PDGFRA: variants seen among roughly 807,000 people sequenced by gnomAD.
The protein encoded by PDGFRA is platelet derived growth factor receptor alpha, also known as platelet-derived growth factor receptor alpha.
Under a neutral mutation model 121.5 loss-of-function variants are expected in PDGFRA, and 25 were observed. The ratio of observed to expected loss-of-function variants is 0.21; its 90% CI spans 0.15 to 0.29. The LOEUF is 0.29. Among genes scored for constraint, PDGFRA ranks in the 10% least tolerant of loss-of-function variants. The pLI is 1.00. For missense variants in PDGFRA, 1,008 were observed against 1,345.1 expected (o/e 0.75, Z 3.92); for synonymous variants, 463 against 494.8 (o/e 0.94, Z 0.85).
chr4:54,258,924 G>A lies in PDGFRA; in HGVS notation c.49+107G>A, dbSNP rs938689042. ...TACTCTGCATACACAGTCCAAAAGA[G>A]TGAAAAGAAATAGAAAACTATAGGA... On this transcript the variant is annotated intron_variant, in intron 2 of 22. Coordinates refer to ENST00000257290, the MANE Select transcript of PDGFRA (RefSeq NM_006206.6). 1.2e-5 allele frequency: 11 copies of A among 913,804 alleles called. No individual in the cohort carries two copies. In the Admixed American group the frequency reaches 2.1e-4, roughly 17 times the overall value. 56.6% of individuals were successfully genotyped at this position (913,804 alleles called of 1,614,324 possible). A position where few individuals can be genotyped will look rare whatever the true frequency, so the allele number is the denominator to read the frequency against.
chr4:54,272,557 A>G, intron 9 of PDGFRA, 37 bp downstream of exon 9: 1 of 1,606,122 alleles, frequency 6.2e-7, no homozygotes, highest in Non-Finnish European at 8.5e-7. Flanking sequence ...TTTCGTGGTC[A>G]GAATATTTCT....
In PDGFRA at chr4:54,295,453, T is replaced by G. The variant is rs1409153277; in HGVS notation, c.*181T>G. On this transcript the variant is annotated 3_prime_UTR_variant, in exon 23 of 23. Transcript: ENST00000257290. ...ATGAATGGGATATTTTGAAATGAAC[T>G]TTGTCAGTGTTGCCTCTTGCAATGC... The G allele has an allele frequency of 1.6e-6, 1 of 612,758 alleles. No individual in the cohort carries two copies. Among genetic ancestry groups the G allele is most frequent in the Non-Finnish European group, 2.9e-6 (1 of 345,614 alleles). The allele number at this position is 612,758 out of a possible 1,614,324, so 38.0% of individuals were successfully genotyped here.
At chr4:54,289,653 G>C (rs1724528955) in intron 21 of PDGFRA, among the ~76,000 whole-genome samples, 1 of 152,194 alleles carries the variant, frequency 6.6e-6, no homozygotes, top group Non-Finnish European at 1.5e-5. Flanking sequence ...CTTAGATTGA[G>C]ATTAGTCCCT....
At chr4:54,238,648 C>T (rs1237750696) in intron 1 of PDGFRA, among the ~76,000 whole-genome samples, 1 of 152,130 alleles carries the variant, frequency 6.6e-6, no homozygotes, top group African/African-American at 2.4e-5. Flanking sequence ...TTGATAGATA[C>T]AGGTCATAAA....
intron 1 of PDGFRA, among the ~76,000 whole-genome samples, chr4:54,255,959 TAG>T (rs1416156902): frequency 6.6e-6 from 1 of 152,204 alleles, no homozygotes; most frequent in African/African-American, 2.4e-5. Flanking sequence ...GAGGTCAAAC[TAG>T]AGTGACTTCA....
intron 1 of PDGFRA, among the ~76,000 whole-genome samples, chr4:54,254,334 G>C (rs1266753500): frequency 6.6e-6 from 1 of 152,222 alleles, no homozygotes; most frequent in Non-Finnish European, 1.5e-5. Flanking sequence ...ATCAGAGAAG[G>C]GAGTTTGGAA....
chr4:54,255,716 A>G (rs1405625536), intron 1 of PDGFRA, among the ~76,000 whole-genome samples: 2 of 152,048 alleles, frequency 1.3e-5, no homozygotes, highest in East Asian at 1.9e-4. Context: ...CGTGTTAGCC[A>G]GGATGGTCTC....
At chr4:54,259,224 C>G (rs1722551128) in intron 2 of PDGFRA, among the ~76,000 whole-genome samples, 1 of 152,090 alleles carries the variant, frequency 6.6e-6, no homozygotes, top group Non-Finnish European at 1.5e-5. Flanking sequence ...TGGGATGATC[C>G]CTTAAGGCCA....
chr4:54,281,649 G>T, intron 16 of PDGFRA: 2 of 1,360,646 alleles, frequency 1.5e-6, no homozygotes, highest in Non-Finnish European at 9.7e-7. Flanking sequence ...AGCCCTGTTG[G>T]CAGGCAGACC....
intron 1 of PDGFRA, among the ~76,000 whole-genome samples, chr4:54,245,994 A>G: frequency 6.6e-6 from 1 of 152,222 alleles, no homozygotes; most frequent in Admixed American, 6.6e-5. Flanking sequence ...TAAAGGGATC[A>G]ATTCAACAGG....
chr4:54,264,453 A>G (rs1722923354), intron 4 of PDGFRA: 1 of 248,866 alleles, frequency 4.0e-6, no homozygotes, highest in Non-Finnish European at 7.8e-6. Flanking sequence ...ATCAGAGCAC[A>G]GCTAATTTTG....
intron 5 of PDGFRA, among the ~76,000 whole-genome samples, chr4:54,266,562 C>G (rs1347242465): frequency 6.6e-6 from 1 of 151,904 alleles, no homozygotes; most frequent in Non-Finnish European, 1.5e-5. Flanking sequence ...AGATAAAGCT[C>G]TTAAGTATTT....
chr4:54,258,937 G>T, intron 2 of PDGFRA, 120 bp downstream of exon 2: 1 of 836,048 alleles, frequency 1.2e-6, no homozygotes, highest in Non-Finnish European at 2.1e-6. Flanking sequence ...AAAAGAAATA[G>T]AAAACTATAG....
intron 12 of PDGFRA, chr4:54,277,180 A>G (rs985743641): frequency 8.2e-6 from 5 of 609,640 alleles, no homozygotes; most frequent in Non-Finnish European, 1.5e-5. Context: ...TTCCCTTGCA[A>G]GTGTTATTCG....
At chr4:54,261,674 T>C (rs1213490114) in intron 3 of PDGFRA, among the ~76,000 whole-genome samples, 1 of 151,766 alleles carries the variant, frequency 6.6e-6, no homozygotes, top group Non-Finnish European at 1.5e-5. Context: ...TGAAATATAC[T>C]CATCTCTATT....
At chr4:54,231,491 G>A (rs2110163280) in intron 1 of PDGFRA, among the ~76,000 whole-genome samples, 1 of 152,358 alleles carries the variant, frequency 6.6e-6, no homozygotes, top group African/African-American at 2.4e-5. Flanking sequence ...CTCCGGGCGT[G>A]CGCACCTCCC....
intron 3 of PDGFRA, among the ~76,000 whole-genome samples, chr4:54,261,931 ATTT>A (rs34880395): frequency 2.0e-3 from 114 of 58,404 alleles, no homozygotes; most frequent in African/African-American, 4.9e-3. Flanking sequence ...ATATATATAT[ATTT>A]TTTTTTTTTT....
intron 1 of PDGFRA, among the ~76,000 whole-genome samples, chr4:54,238,728 G>A (rs1721140635): frequency 6.6e-6 from 1 of 152,182 alleles, no homozygotes; most frequent in African/African-American, 2.4e-5. Context: ...TACTTTGGGA[G>A]GCCAAGGCAG....
At chr4:54,259,086 A>G (rs73252945) in intron 2 of PDGFRA, among the ~76,000 whole-genome samples, 304 of 152,326 alleles carry the variant, frequency 2.0e-3, no homozygotes, top group Middle Eastern at 6.8e-3. Context: ...AATAATGTCT[A>G]AATTTACTTA....
Sources: gnomAD v4.1 joint callset for allele counts (sites outside exome capture counted in the v4.1 genomes callset) on GRCh38, gnomAD v4.1.1 for gene constraint, MANE v1.5 for transcripts, NCBI Gene and HGNC (gene_info 2026-07-23, HGNC 2026-07-21) for gene names.